The following MAD1L1 variants were observed in gnomAD, a reference collection of about 807,000 sequenced individuals.
MAD1L1 encodes mitotic spindle assembly checkpoint protein MAD1.
In MAD1L1, 95 loss-of-function variants were observed where a neutral mutation model predicts 96.9. The observed-to-expected ratio is 0.98, with a 90% CI of 0.83 to 1.16. The LOEUF (loss-of-function observed/expected upper bound fraction) is 1.16, where lower values mean the gene tolerates loss of function less well. MAD1L1 is among the 50% of genes most tolerant of loss of function. The pLI, the probability that MAD1L1 is intolerant of heterozygous loss-of-function variation, is 0.00. For missense variants in MAD1L1, 1,007 were observed against 954.4 expected, an observed-to-expected ratio of 1.06 and a Z score of -0.73; for synonymous variants, 473 against 396.6, an observed-to-expected ratio of 1.19 and a Z score of -2.29.
chr7:2,096,897 G>A (rs944280407), intron 11 of MAD1L1, among the ~76,000 whole-genome samples: 3 of 152,110 alleles, frequency 2.0e-5, no homozygotes, highest in African/African-American at 2.4e-5. Context: ...GGTGACCCCC[G>A]GCCAGCAGGT....
intron 17 of MAD1L1, among the ~76,000 whole-genome samples, chr7:1,924,928 C>G (rs1370987007): frequency 6.6e-6 from 1 of 151,478 alleles, no homozygotes; most frequent in Admixed American, 6.6e-5. Context: ...ACATTGTAAA[C>G]CACAGAAAAA....
chr7:1,847,991 G>A (rs1583544493), intron 18 of MAD1L1: 2 of 348,256 alleles, frequency 5.7e-6, no homozygotes, highest in East Asian at 7.6e-5. Context: ...GACCACACTG[G>A]TTTTCAAATG....
At chr7:1,835,969 G>A (rs911540891) in intron 18 of MAD1L1, among the ~76,000 whole-genome samples, 1 of 152,156 alleles carries the variant, frequency 6.6e-6, no homozygotes, top group Non-Finnish European at 1.5e-5. Flanking sequence ...CGTGTCATAT[G>A]CTAATGCATT....
Position 2,222,640 on chromosome 7 carries a change from G to A in MAD1L1, c.406C>T (p.Gln136Ter). The change falls in exon 5 of 19, where the codon CAG becomes TAG. Residue 136 changes from glutamine to a stop codon, truncating the protein, a stop_gained. Transcript: ENST00000265854. LOFTEE classifies it high-confidence loss of function. ...CTCTTGCTGGCAGCATCCAAGTTCT[G>A]CTGACACTGCCTGTTGCGCTCCAGC... ...EQLERNRQCQQNLDAASKRLR... is the reference protein window; with the variant it reads ...EQLERNRQCQ 6.2e-7 allele frequency: 1 copy of A among 1,613,276 alleles called. No individual in the cohort carries two copies. Among genetic ancestry groups the A allele is most frequent in the South Asian group, 1.1e-5 (1 of 91,024 alleles).
In MAD1L1 at chr7:1,828,322, G is replaced by A. The variant is rs1175944708; in HGVS notation, c.1999-12094C>T. 4.6e-5 allele frequency among the ~76,000 whole-genome samples: 7 copies of A among 152,126 alleles called. No individual in the cohort carries two copies. The East Asian group carries it at 5.8e-4, about 13-fold the overall frequency. ...GCCCAGGCAGGGCCTCGCGGGACCC[G>A]AGTTGAGGGACAGGGCTGGAGCTGG... On this transcript the variant is annotated intron_variant, in intron 18 of 18. Coordinates refer to ENST00000265854, the MANE Select transcript of MAD1L1 (RefSeq NM_001013836.2).
chr7:2,209,892 A>G (rs1442666284), intron 10 of MAD1L1: 1 of 152,294 alleles, frequency 6.6e-6, no homozygotes. Context: ...TCCACACAAG[A>G]ACAGCAAATG....
At chr7:1,882,282 A>T (rs1301706617) in intron 18 of MAD1L1, among the ~76,000 whole-genome samples, 2 of 152,216 alleles carry the variant, frequency 1.3e-5, no homozygotes, top group East Asian at 3.9e-4. Flanking sequence ...TAGTGCTTGG[A>T]CATCCTGAAC....
intron 10 of MAD1L1, among the ~76,000 whole-genome samples, chr7:2,212,760 C>T (rs183485631): frequency 1.5e-3 from 225 of 152,282 alleles, no homozygotes; most frequent in Middle Eastern, 3.4e-3. Flanking sequence ...CATAATTACC[C>T]AGTCTCTGGT....
In MAD1L1 at chr7:2,225,465, T is replaced by G; in HGVS notation, c.236A>C (p.Lys79Thr). The change falls in exon 4 of 19, where the codon AAG becomes ACG. Residue 79 changes from lysine (K) to threonine (T), a missense_variant. Physicochemically the swap from Lys to Thr is moderately conservative, Grantham distance 78. Transcript: ENST00000265854. ...TCTCTCCAGCTCCACTCGAGCCCTCTTGTGACTCAGCTCCATCTGCATTTT... is the reference window on the plus strand; with the variant it reads ...TCTCTCCAGCTCCACTCGAGCCCTCGTGTGACTCAGCTCCATCTGCATTTT... ...REKMQMELSH[K>T]RARVELERAA... 1.9e-6 allele frequency: 3 copies of G among 1,614,188 alleles called. No homozygotes were observed. Among genetic ancestry groups the G allele is most frequent in the Non-Finnish European group, 2.5e-6 (3 of 1,180,038 alleles).
rs969651147 is a variant in MAD1L1 at position 1,964,992 on chromosome 7, C to A, written c.1506-7273G>T. On this transcript the variant is annotated intron_variant, in intron 15 of 18. Transcript: ENST00000265854. ...GCCTCCCACGGGTCCCAGACCCCTGCACTGCCCGCCAGCCCCTCCCCAGTG... is the reference window on the plus strand; with the variant it reads ...GCCTCCCACGGGTCCCAGACCCCTGAACTGCCCGCCAGCCCCTCCCCAGTG... Among the ~76,000 whole-genome samples, 20 of 152,206 alleles carry A rather than the reference C, an allele frequency of 1.3e-4. No individual in the cohort carries two copies. The East Asian group carries it at 3.9e-3, about 29-fold the overall frequency.
At chr7:2,193,936 ATTTTTTTTT>A (rs35067993) in intron 10 of MAD1L1, among the ~76,000 whole-genome samples, 15 of 82,804 alleles carry the variant, frequency 1.8e-4, no homozygotes, top group Admixed American at 8.7e-4. Context: ...CTCTGCATGG[ATTTTTTTTT>A]TTTTTTTTTT....
chr7:2,152,903 T>C (rs1034323050), intron 10 of MAD1L1, among the ~76,000 whole-genome samples: 2 of 152,126 alleles, frequency 1.3e-5, no homozygotes, highest in Non-Finnish European at 2.9e-5. Context: ...TGTCTGGATG[T>C]CGCCGGGGAC....
intron 14 of MAD1L1, among the ~76,000 whole-genome samples, chr7:1,999,860 A>C (rs932079167): frequency 4.6e-5 from 7 of 152,156 alleles, no homozygotes; most frequent in Non-Finnish European, 8.8e-5. Context: ...TCTTCTCTGC[A>C]GTCTGACTGT....
chr7:1,903,402 A>G (rs1787393895), intron 17 of MAD1L1, among the ~76,000 whole-genome samples: 2 of 150,794 alleles, frequency 1.3e-5, no homozygotes, highest in Non-Finnish European at 2.9e-5. Context: ...CCTATGGAAG[A>G]CGTTCTTGCG....
In MAD1L1 at chr7:2,184,120, C is replaced by T. The variant is rs184920303; in HGVS notation, c.986+29092G>A. ...ACAAAAAATTAGCCAGGCGTGGTGGCGGGCGCCTGTAGTCCCAGCTACTCG... is the reference window on the plus strand; with the variant it reads ...ACAAAAAATTAGCCAGGCGTGGTGGTGGGCGCCTGTAGTCCCAGCTACTCG... On this transcript the variant is annotated intron_variant, in intron 10 of 18. Transcript: ENST00000265854. Among the ~76,000 whole-genome samples the T allele has an allele frequency of 9.1e-3, 1,384 of 151,892 alleles. 16 individuals carry two copies. Among genetic ancestry groups the T allele is most frequent in the African/African-American group, 0.032 (1,314 of 41,470 alleles).
rs149881844 is a variant in MAD1L1, at chr7:2,090,311, C to T, written c.1074-20973G>A. On this transcript the variant is annotated intron_variant, in intron 11 of 18. Coordinates refer to ENST00000265854, the MANE Select transcript of MAD1L1 (RefSeq NM_001013836.2). ...TTGAATCTGGTTCTGCGGTCGCTTG[C>T]TTTGGGGAACTCAGGCAAGCGTCCT... Among the ~76,000 whole-genome samples, 64 of 152,212 alleles carry T rather than the reference C, an allele frequency of 4.2e-4. No individual in the cohort carries two copies. The East Asian group carries it at 9.1e-3, about 22-fold the overall frequency.
chr7:2,026,392 C>A (rs1301396940), intron 12 of MAD1L1, among the ~76,000 whole-genome samples: 2 of 152,186 alleles, frequency 1.3e-5, no homozygotes. Flanking sequence ...ACAACTCTTG[C>A]AGGAGCTGAG....
At position 1,968,130 on chromosome 7, in the gene MAD1L1, G is replaced by A. The variant is rs950820197; in HGVS notation, c.1506-10411C>T. Reference sequence around the variant, plus strand: ...GCGTCGCCTGTGCCCTGAGGGATTCGCTTCCAAGGAAGAGACTGGAGAAAG... The same window carrying A: ...GCGTCGCCTGTGCCCTGAGGGATTCACTTCCAAGGAAGAGACTGGAGAAAG... On this transcript the variant is annotated intron_variant, in intron 15 of 18. Transcript: ENST00000265854. The surrounding 1 kb of genome is among the most constrained non-coding windows in gnomAD (Gnocchi z 5.6). Among the ~76,000 whole-genome samples, 13 of 152,218 alleles carry A rather than the reference G, an allele frequency of 8.5e-5. No individual in the cohort carries two copies. The highest frequency in any genetic ancestry group is 2.7e-4 in the African/African-American group (11 of 41,460).
chr7:1,907,935 T>TGCAGTGTGC (rs1562512918), intron 17 of MAD1L1, among the ~76,000 whole-genome samples: 1 of 152,210 alleles, frequency 6.6e-6, no homozygotes, highest in Admixed American at 6.5e-5. Context: ...GTGACCGCCC[T>TGCAGTGTGC]GGCCCCTGCA....
Sources: gnomAD v4.1 joint callset for allele counts (sites outside exome capture counted in the v4.1 genomes callset) on GRCh38, gnomAD v4.1.1 for gene constraint, Gnocchi (gnomAD v3.1) non-coding constraint, MANE v1.5 for transcripts, NCBI Gene and HGNC (gene_info 2026-07-23, HGNC 2026-07-21) for gene names.